The following PHACTR1 variants were observed in gnomAD, a reference collection of about 807,000 sequenced individuals.
The protein encoded by PHACTR1 is RPEL repeat containing 1.
In PHACTR1, 16 loss-of-function variants were observed where a neutral mutation model predicts 69.2. The observed-to-expected ratio is 0.23, with a 90% CI of 0.16 to 0.35. The LOEUF is 0.35. Ranked by LOEUF, PHACTR1 falls within the 10% of genes least tolerant of loss-of-function variation. The pLI is 1.00. For missense variants in PHACTR1, 510 were observed against 734.7 expected (o/e 0.69, Z 3.54); for synonymous variants, 312 against 284.5 (o/e 1.10, Z -0.97).
intron 4 of PHACTR1, among the ~76,000 whole-genome samples, chr6:12,865,510 C>G (rs1426683002): frequency 1.3e-5 from 2 of 151,680 alleles, no homozygotes; most frequent in Non-Finnish European, 1.5e-5. Context: ...TCCTTCATCC[C>G]CAGGCTCTTT....
At position 12,856,737 on chromosome 6, in the gene PHACTR1, T is replaced by G. The variant is rs1780411328; in HGVS notation, c.250+106947T>G. The stretch of plus-strand genomic sequence containing the variant: ...CTGCGTTCCCTGATCGGCTGTTCAC[T>G]CCAACCAGCTCTCAGCAGCTGTGGT... On this transcript the variant is annotated intron_variant, in intron 4 of 14. Coordinates refer to ENST00000332995, the MANE Select transcript of PHACTR1 (RefSeq NM_030948.6). Among the ~76,000 whole-genome samples the G allele has an allele frequency of 2.6e-5, 4 of 152,218 alleles. No homozygotes were observed. The South Asian group carries it at 8.3e-4, about 32-fold the overall frequency.
At chr6:12,886,081 T>C (rs9349371) in intron 4 of PHACTR1, among the ~76,000 whole-genome samples, 129,135 of 152,060 alleles carry the variant, frequency 0.85, 55,531 homozygotes, top group East Asian at 0.94. Context: ...GGTGACAGGG[T>C]GAGACTCCAT....
At chr6:13,193,892 T>C (rs1394379083) in intron 7 of PHACTR1, among the ~76,000 whole-genome samples, 1 of 152,120 alleles carries the variant, frequency 6.6e-6, no homozygotes. Flanking sequence ...ATGCCTGTCC[T>C]GCAGAAGGCC....
chr6:13,228,172 G>T, intron 9 of PHACTR1, 109 bp downstream of exon 9: 1 of 1,380,210 alleles, frequency 7.2e-7, no homozygotes, highest in Non-Finnish European at 9.7e-7. Flanking sequence ...CCCTGCTCTG[G>T]TGTTGACTGG....
At chr6:12,898,593 C>A (rs529032796) in intron 4 of PHACTR1, among the ~76,000 whole-genome samples, 6 of 152,316 alleles carry the variant, frequency 3.9e-5, no homozygotes, top group African/African-American at 1.4e-4. Flanking sequence ...ATCTTGGCCG[C>A]TGCTACTTTT....
At chr6:12,796,453 A>G (rs1773014611) in intron 4 of PHACTR1, among the ~76,000 whole-genome samples, 1 of 152,256 alleles carries the variant, frequency 6.6e-6, no homozygotes, top group South Asian at 2.1e-4. Context: ...TAGTAATGCT[A>G]TGCACAGCAA....
intron 4 of PHACTR1, among the ~76,000 whole-genome samples, chr6:12,997,446 TTTA>T (rs1797563913): frequency 6.7e-6 from 1 of 149,972 alleles, no homozygotes; most frequent in African/African-American, 2.4e-5. Context: ...AGAGAGTCTT[TTTA>T]TTCTTCTGCC....
intron 4 of PHACTR1, among the ~76,000 whole-genome samples, chr6:13,006,806 G>C: frequency 6.6e-6 from 1 of 152,164 alleles, no homozygotes; most frequent in East Asian, 1.9e-4. Context: ...TGGGTCGTTA[G>C]ATAAGCTGAG....
At chr6:12,891,900 A>G (rs1283326055) in intron 4 of PHACTR1, among the ~76,000 whole-genome samples, 1 of 152,212 alleles carries the variant, frequency 6.6e-6, no homozygotes, top group East Asian at 1.9e-4. Flanking sequence ...TATCTGTAAA[A>G]CAGGGATAAT....
chr6:13,136,958 A>G (rs988090810), intron 5 of PHACTR1, among the ~76,000 whole-genome samples: 6 of 152,254 alleles, frequency 3.9e-5, no homozygotes, highest in African/African-American at 1.4e-4. Context: ...ATGATGATGA[A>G]AAGTGTGAAA....
intron 8 of PHACTR1, among the ~76,000 whole-genome samples, chr6:13,211,622 G>A (rs1281120656): frequency 1.3e-5 from 2 of 152,174 alleles, no homozygotes; most frequent in African/African-American, 4.8e-5. Context: ...TCATGCCAAA[G>A]ACCTGGAGTC....
chr6:12,921,657 G>A (rs898953110), intron 4 of PHACTR1, among the ~76,000 whole-genome samples: 1 of 138,328 alleles, frequency 7.2e-6, no homozygotes, highest in Non-Finnish European at 1.6e-5. Flanking sequence ...GAAGAAGGAA[G>A]GGAGGGAGGA....
chr6:13,087,793 A>C (rs1021896047), intron 5 of PHACTR1, among the ~76,000 whole-genome samples: 2 of 151,800 alleles, frequency 1.3e-5, no homozygotes, highest in Non-Finnish European at 2.9e-5. Context: ...CTATAGGTGC[A>C]TGCCACCACG....
intron 4 of PHACTR1, among the ~76,000 whole-genome samples, chr6:12,802,859 G>A (rs1055561821): frequency 8.5e-5 from 13 of 152,172 alleles, no homozygotes; most frequent in East Asian, 7.7e-4. Flanking sequence ...GAGAGAAGAC[G>A]TTTTAAAAGT....
At chr6:12,816,043 G>A (rs1775546385) in intron 4 of PHACTR1, among the ~76,000 whole-genome samples, 1 of 152,188 alleles carries the variant, frequency 6.6e-6, no homozygotes, top group East Asian at 1.9e-4. Flanking sequence ...CCTGCAGGTG[G>A]ATCATATTGG....
intron 4 of PHACTR1, among the ~76,000 whole-genome samples, chr6:12,887,487 C>A (rs1783754693): frequency 6.6e-6 from 1 of 152,222 alleles, no homozygotes; most frequent in Non-Finnish European, 1.5e-5. Context: ...TCCATCCTGT[C>A]ACTGACCCTT....
chr6:13,177,389 A>G lies in PHACTR1; in HGVS notation c.497-5130A>G, dbSNP rs989280514. Among the ~76,000 whole-genome samples, 3 of 148,022 alleles carry G rather than the reference A, an allele frequency of 2.0e-5. No homozygotes were observed. In the Admixed American group the frequency reaches 2.1e-4, roughly 10 times the overall value. On this transcript the variant is annotated intron_variant, in intron 6 of 14. Transcript: ENST00000332995. ...GCTCTCTCTCTCTCTCTCTATATAT[A>G]TATACACACACACACAGACATGCAC...
intron 4 of PHACTR1, among the ~76,000 whole-genome samples, chr6:12,894,321 T>G (rs1458478771): frequency 6.6e-6 from 1 of 152,248 alleles, no homozygotes; most frequent in Non-Finnish European, 1.5e-5. Context: ...ACTTTTCATT[T>G]GGGCGGGGCA....
At chr6:13,030,399 G>A (rs1280729774) in intron 4 of PHACTR1, among the ~76,000 whole-genome samples, 1 of 152,220 alleles carries the variant, frequency 6.6e-6, no homozygotes, top group Non-Finnish European at 1.5e-5. Flanking sequence ...AAGAGAAGAT[G>A]TTGAAAAATA....
Sources: gnomAD v4.1 joint callset for allele counts (sites outside exome capture counted in the v4.1 genomes callset) on GRCh38, gnomAD v4.1.1 for gene constraint, MANE v1.5 for transcripts, NCBI Gene and HGNC (gene_info 2026-07-23, HGNC 2026-07-21) for gene names.